The following CTNNA3 variants were observed in gnomAD, a reference collection of about 807,000 sequenced individuals.
CTNNA3 encodes catenin alpha 3, also known as catenin alpha-3.
Under a neutral mutation model 95.7 loss-of-function variants are expected in CTNNA3, and 76 were observed. The ratio of observed to expected loss-of-function variants is 0.79; its 90% CI spans 0.66 to 0.96. CTNNA3 has a LOEUF of 0.96. CTNNA3 is among the 40% of genes least tolerant of loss of function. CTNNA3 has a pLI of 0.00. For synonymous variants in CTNNA3, 431 were observed against 374.4 expected (o/e 1.15, Z -1.74); for missense variants, 1,191 against 1,089.8 (o/e 1.09, Z -1.31).
At chr10:67,476,000 C>T (rs1464587901) in intron 5 of CTNNA3, among the ~76,000 whole-genome samples, 2 of 152,054 alleles carry the variant, frequency 1.3e-5, no homozygotes, top group East Asian at 1.9e-4. Flanking sequence ...TGAAGAGGGC[C>T]GGGGCCAGGA....
chr10:66,738,725 CTT>C (rs141230941), intron 9 of CTNNA3, among the ~76,000 whole-genome samples: 1,745 of 152,200 alleles, frequency 0.011, 38 homozygotes, highest in African/African-American at 0.04. Context: ...CCAGATATTC[CTT>C]TTCTGATCTT....
intron 15 of CTNNA3, among the ~76,000 whole-genome samples, chr10:66,055,507 T>C (rs1333795512): frequency 6.6e-6 from 1 of 152,216 alleles, no homozygotes; most frequent in Admixed American, 6.5e-5. Context: ...GGTTTCTTTT[T>C]TTCAGACTGC....
intron 5 of CTNNA3, among the ~76,000 whole-genome samples, chr10:67,464,573 G>C (rs1847510713): frequency 6.6e-6 from 1 of 152,110 alleles, no homozygotes; most frequent in African/African-American, 2.4e-5. Flanking sequence ...GAGCCCAGCA[G>C]ACCTTTTGGG....
At chr10:66,423,686 T>C (rs1006497093) in intron 11 of CTNNA3, among the ~76,000 whole-genome samples, 1 of 151,982 alleles carries the variant, frequency 6.6e-6, no homozygotes, top group Non-Finnish European at 1.5e-5. Context: ...AATAAACTTC[T>C]CCCCGACACG....
Position 66,687,700 on chromosome 10 carries a change from CATATATAT to C in CTNNA3, c.1282-65924_1282-65917del, listed in dbSNP as rs138007950. On this transcript the variant is annotated intron_variant, in intron 9 of 17. Coordinates refer to ENST00000433211, the MANE Select transcript of CTNNA3 (RefSeq NM_013266.4). The stretch of plus-strand genomic sequence containing the variant: ...CTGGTCCTTATCACCTGTATTGATT[CATATATAT>C]ATATATATATACACACACACACACA... Among the ~76,000 whole-genome samples, 440 of 147,390 alleles carry C rather than the reference CATATATAT, an allele frequency of 3.0e-3. 4 individuals are homozygous for C. Among genetic ancestry groups the C allele is most frequent in the African/African-American group, 0.011 (426 of 39,730 alleles).
At chr10:66,822,106 G>T (rs1235599239) in intron 7 of CTNNA3, among the ~76,000 whole-genome samples, 1 of 70,460 alleles carries the variant, frequency 1.4e-5, no homozygotes. Flanking sequence ...TAAAATTTAT[G>T]CATAAATATT....
intron 5 of CTNNA3, among the ~76,000 whole-genome samples, chr10:67,365,001 A>C (rs1843152863): frequency 6.6e-6 from 1 of 152,206 alleles, no homozygotes; most frequent in Non-Finnish European, 1.5e-5. Context: ...TAACCAAAAC[A>C]GCATGGTACT....
chr10:66,933,587 G>T (rs889736290), intron 7 of CTNNA3, among the ~76,000 whole-genome samples: 1 of 152,076 alleles, frequency 6.6e-6, no homozygotes, highest in Non-Finnish European at 1.5e-5. Context: ...CGCATTCCAG[G>T]TATCAGTCAC....
chr10:67,525,155 T>C (rs1840103671), intron 4 of CTNNA3, among the ~76,000 whole-genome samples: 1 of 119,522 alleles, frequency 8.4e-6, no homozygotes, highest in Non-Finnish European at 1.6e-5. Context: ...GAATTTATCC[T>C]GTGTTTTTTT....
intron 3 of CTNNA3, among the ~76,000 whole-genome samples, chr10:67,594,198 A>G (rs1842867684): frequency 1.3e-5 from 2 of 152,090 alleles, no homozygotes; most frequent in African/African-American, 2.4e-5. Flanking sequence ...TTCATGAGGT[A>G]TATTGGCCTG....
intron 1 of CTNNA3, among the ~76,000 whole-genome samples, chr10:67,653,084 A>G (rs1839923139): frequency 6.6e-6 from 1 of 152,246 alleles, no homozygotes; most frequent in African/African-American, 2.4e-5. Context: ...TGGTGCTGGC[A>G]TCTGCTCAGC....
At chr10:66,747,703 C>T (rs1838944954) in intron 9 of CTNNA3, among the ~76,000 whole-genome samples, 1 of 152,002 alleles carries the variant, frequency 6.6e-6, no homozygotes, top group Non-Finnish European at 1.5e-5. Context: ...GAAAACAGGA[C>T]TCCAAAAGCA....
At chr10:66,661,313 A>G (rs1846256245) in intron 9 of CTNNA3, among the ~76,000 whole-genome samples, 1 of 152,094 alleles carries the variant, frequency 6.6e-6, no homozygotes. Context: ...CACTTCTTAA[A>G]TGGTGGTGGC....
chr10:67,672,763 C>T (rs112851958), intron 1 of CTNNA3, among the ~76,000 whole-genome samples: 19,342 of 151,912 alleles, frequency 0.13, 1,356 homozygotes, highest in Non-Finnish European at 0.16. Flanking sequence ...GTTACTGTAG[C>T]CTTGTAGTAT....
intron 11 of CTNNA3, among the ~76,000 whole-genome samples, chr10:66,388,233 T>G (rs1439978946): frequency 1.3e-5 from 2 of 152,172 alleles, no homozygotes; most frequent in Admixed American, 1.3e-4. Context: ...GTAGAGCTAT[T>G]TTCTTAGTCC....
At chr10:67,093,987 G>A (rs1413698502) in intron 7 of CTNNA3, among the ~76,000 whole-genome samples, 2 of 151,874 alleles carry the variant, frequency 1.3e-5, no homozygotes, top group African/African-American at 2.4e-5. Context: ...ACTGCTACTT[G>A]AGCAGAAAAT....
At chr10:66,146,719 G>A (rs921781510) in intron 13 of CTNNA3, among the ~76,000 whole-genome samples, 1 of 152,044 alleles carries the variant, frequency 6.6e-6, no homozygotes, top group African/African-American at 2.4e-5. Context: ...ACCATGCCCA[G>A]CTAATTTTTG....
At chr10:67,589,281 G>A (rs1023962252) in intron 3 of CTNNA3, among the ~76,000 whole-genome samples, 1 of 152,060 alleles carries the variant, frequency 6.6e-6, no homozygotes, top group African/African-American at 2.4e-5. Flanking sequence ...CATTATTACA[G>A]CTATTTGCAT....
At chr10:67,525,341 A>C (rs1840110162) in intron 4 of CTNNA3, among the ~76,000 whole-genome samples, 1 of 152,158 alleles carries the variant, frequency 6.6e-6, no homozygotes. Flanking sequence ...TTTTCTCATC[A>C]AATTATTTCT....
Sources: gnomAD v4.1 joint callset for allele counts (sites outside exome capture counted in the v4.1 genomes callset) on GRCh38, gnomAD v4.1.1 for gene constraint, MANE v1.5 for transcripts, NCBI Gene and HGNC (gene_info 2026-07-23, HGNC 2026-07-21) for gene names.